The following ZNF559 variants were observed in gnomAD, a reference collection of about 807,000 sequenced individuals.
ZNF559 encodes the protein putative protein product of Nbla00121.
ZNF559 carries 17 observed loss-of-function variants against 14.2 expected under a neutral mutation model. The ratio of observed to expected loss-of-function variants is 1.20; its 90% CI spans 0.82 to 1.80. The LOEUF (loss-of-function observed/expected upper bound fraction) is 1.80. Ranked by LOEUF, ZNF559 falls within the 40% of genes most tolerant of loss-of-function variation. The pLI, the probability that ZNF559 is intolerant of heterozygous loss-of-function variation, is 0.00. For synonymous variants in ZNF559, 244 were observed against 212.4 expected (o/e 1.15, Z -1.29); for missense variants, 740 against 629.7 (o/e 1.18, Z -1.88).
Position 9,340,567 on chromosome 19 carries a change from TA to T in ZNF559, c.161-511del, listed in dbSNP as rs34086147. Among the ~76,000 whole-genome samples, 246 of 75,786 alleles carry T rather than the reference TA, an allele frequency of 3.2e-3. 1 individual carries two copies. Among genetic ancestry groups the T allele is most frequent in the African/African-American group, 7.2e-3 (122 of 17,022 alleles). The allele number at this position is 75,786 out of a possible 152,430, so 49.7% of individuals were successfully genotyped here. Reference sequence around the variant, plus strand: ...TTTCTTTTTTTTCTCTCTCTGTCTCTAAAAAAAAAAAAAAAAAAAAAAAAGA... The same window carrying T: ...TTTCTTTTTTTTCTCTCTCTGTCTCTAAAAAAAAAAAAAAAAAAAAAAAGA... On this transcript the variant is annotated intron_variant, in intron 5 of 6. Coordinates refer to ENST00000603380, the MANE Select transcript of ZNF559 (RefSeq NM_032497.3).
At position 9,343,562 on chromosome 19, in the gene ZNF559, A is replaced by G. The variant is rs1230709647; in HGVS notation, c.*494A>G. On this transcript the variant is annotated 3_prime_UTR_variant, in exon 7 of 7. Transcript: ENST00000603380. ...GTGTGAAAAATCTTATGAATGTAAAATGTGTGGAGATTCTTCTTTGTTTTT... is the reference window on the plus strand; with the variant it reads ...GTGTGAAAAATCTTATGAATGTAAAGTGTGTGGAGATTCTTCTTTGTTTTT... 1 of 991,854 alleles carries G rather than the reference A, an allele frequency of 1.0e-6. No homozygotes were observed. The highest frequency in any genetic ancestry group is 1.2e-6 in the Non-Finnish European group (1 of 833,244). The allele number at this position is 991,854 out of a possible 1,614,324, so 61.4% of individuals were successfully genotyped here. A position where few individuals can be genotyped will look rare whatever the true frequency, so the allele number is the denominator to read the frequency against.
chr19:9,324,277 C>T, intron 1 of ZNF559, 49 bp downstream of exon 1: 1 of 1,535,846 alleles, frequency 6.5e-7, no homozygotes, highest in Non-Finnish European at 8.7e-7. Flanking sequence ...GGTGCAGCCA[C>T]GCGAGAGTAG....
At chr19:9,328,159 T>A (rs932619275) in intron 2 of ZNF559, among the ~76,000 whole-genome samples, 2 of 152,258 alleles carry the variant, frequency 1.3e-5, no homozygotes, top group South Asian at 4.1e-4. Flanking sequence ...CTAATGACAC[T>A]GATATATTAT....
Position 9,339,219 on chromosome 19 carries a change from T to C in ZNF559, c.60T>C (p.Ala20=). 1 of 1,614,026 alleles carries C rather than the reference T, an allele frequency of 6.2e-7. No homozygotes were observed. The highest frequency in any genetic ancestry group is 8.5e-7 in the Non-Finnish European group (1 of 1,179,926). The change falls in exon 5 of 7, where the codon GCT becomes GCC. Residue 20 remains alanine (A), a synonymous_variant. Coordinates refer to ENST00000603380, the MANE Select transcript of ZNF559 (RefSeq NM_032497.3). ...ACTCAGTGACCTTTGAGGATGTGGC[T>C]GTGGACTTCACCCAGGAGGAGTGGA... The part of the protein sequence containing the change: ...SQDSVTFEDV[A]VDFTQEEWTL...
chr19:9,326,316 A>G (rs2066602333), intron 2 of ZNF559, among the ~76,000 whole-genome samples: 1 of 152,058 alleles, frequency 6.6e-6, no homozygotes, highest in South Asian at 2.1e-4. Context: ...CGTGTTGGCC[A>G]GGCTGGTCTC....
chr19:9,343,810 T>A lies in ZNF559; in HGVS notation c.*742T>A, dbSNP rs2067673781. 1.0e-6 allele frequency: 1 copy of A among 983,972 alleles called. No individual in the cohort carries two copies. Among genetic ancestry groups the A allele is most frequent in the Non-Finnish European group, 1.2e-6 (1 of 828,692 alleles). 61.0% of individuals were successfully genotyped at this position (983,972 alleles called of 1,614,324 possible). ...GTAAATATACATGTTTTAAAGAGGT[T>A]ATATATCATTAATAAAAATATCTAG... is the stretch of plus-strand genomic sequence containing the variant. On this transcript the variant is annotated 3_prime_UTR_variant, in exon 7 of 7. Coordinates refer to ENST00000603380, the MANE Select transcript of ZNF559 (RefSeq NM_032497.3).
chr19:9,339,301 A>G lies in ZNF559; in HGVS notation c.142A>G (p.Lys48Glu). Residue 48 changes from lysine to glutamate, a missense_variant, in exon 5 of 7, where the codon AAG becomes GAG. Coordinates refer to ENST00000603380, the MANE Select transcript of ZNF559 (RefSeq NM_032497.3). ...LYRDVMLENY[K>E]NLVAVDWESH... ...CAGAGATGTGATGCTGGAGAACTAT[A>G]AGAATCTAGTTGCAGTAGGTAAGGC... 7.4e-6 allele frequency: 12 copies of G among 1,613,310 alleles called. No individual in the cohort carries two copies. The highest frequency in any genetic ancestry group is 1.0e-5 in the Non-Finnish European group (12 of 1,179,562).
intron 2 of ZNF559, among the ~76,000 whole-genome samples, chr19:9,336,626 A>C (rs891038246): frequency 6.6e-5 from 10 of 152,158 alleles, no homozygotes; most frequent in Non-Finnish European, 1.5e-5. Context: ...TTATGTGTTT[A>C]TTATCTGCTT....
rs1291876367 is a variant in ZNF559 at position 9,343,266 on chromosome 19, A to G, written c.*198A>G. ...ATGTGGGAAAATCTTGGCTCCTTCC[A>G]TAGGCCTTACTATTCATGTGTCTGT... On this transcript the variant is annotated 3_prime_UTR_variant, in exon 7 of 7. Transcript: ENST00000603380. 2.1e-6 allele frequency: 3 copies of G among 1,396,638 alleles called. No homozygotes were observed. The highest frequency in any genetic ancestry group is 3.2e-5 in the South Asian group (2 of 63,294). 86.5% of individuals were successfully genotyped at this position (1,396,638 alleles called of 1,614,324 possible). A position where few individuals can be genotyped will look rare whatever the true frequency, so the allele number is the denominator to read the frequency against.
intron 2 of ZNF559, among the ~76,000 whole-genome samples, chr19:9,325,380 T>A (rs1446818138): frequency 6.6e-6 from 1 of 151,974 alleles, no homozygotes; most frequent in African/African-American, 2.4e-5. Flanking sequence ...AGGTCGAGGC[T>A]GCTGTGAGCC....
chr19:9,324,627 C>G lies in ZNF559; in HGVS notation c.-205-68C>G, dbSNP rs925249584. 2.1e-5 allele frequency: 22 copies of G among 1,053,560 alleles called. 1 individual carries two copies. Among genetic ancestry groups the G allele is most frequent in the Middle Eastern group, 2.2e-4 (1 of 4,500 alleles). 65.3% of individuals were successfully genotyped at this position (1,053,560 alleles called of 1,614,324 possible). On this transcript the variant is annotated intron_variant, in intron 1 of 6. Coordinates refer to ENST00000603380, the MANE Select transcript of ZNF559 (RefSeq NM_032497.3). ...AGGGCAACATAGGGAGACCCCCCCC[C>G]CCAACCATCTCTAATGGAAAAAAAA...
At position 9,342,922 on chromosome 19, in the gene ZNF559, C is replaced by T. The variant is rs368341131; in HGVS notation, c.1471C>T (p.Arg491Trp). The change falls in exon 7 of 7, where the codon CGG (arginine) becomes TGG (tryptophan). Residue 491 changes from arginine (R) to tryptophan (W), a missense_variant. Coordinates refer to ENST00000603380, the MANE Select transcript of ZNF559 (RefSeq NM_032497.3). ...TVHMRTHTGE[R>W]PFECQECGKA... ...ACACATGAGAACTCACACTGGTGAA[C>T]GGCCCTTTGAATGTCAGGAATGTGG... is the stretch of plus-strand genomic sequence containing the variant. The T allele has an allele frequency of 2.8e-5, 45 of 1,613,282 alleles. No individual in the cohort carries two copies. The highest frequency in any genetic ancestry group is 2.0e-4 in the East Asian group (9 of 44,764).
At chr19:9,325,856 G>A (rs977847645) in intron 2 of ZNF559, among the ~76,000 whole-genome samples, 5 of 149,368 alleles carry the variant, frequency 3.3e-5, no homozygotes, top group Non-Finnish European at 5.9e-5. Flanking sequence ...TCATTTTTTT[G>A]TATATGTACT....
chr19:9,339,255 T>C lies in ZNF559; in HGVS notation c.96T>C (p.Asp32=). 1 of 1,613,972 alleles carries C rather than the reference T, an allele frequency of 6.2e-7. No individual in the cohort carries two copies. Among genetic ancestry groups the C allele is most frequent in the Non-Finnish European group, 8.5e-7 (1 of 1,179,972 alleles). The part of the protein sequence containing the change: ...DFTQEEWTLL[D]QTQRNLYRDV... ...CCCAGGAGGAGTGGACTTTGCTGGA[T>C]CAAACTCAGAGAAACTTATACAGAG... The change falls in exon 5 of 7, where the codon GAT becomes GAC. Residue 32 remains aspartate, a synonymous_variant. Transcript: ENST00000603380.
chr19:9,324,046 G>C (rs1390453149), upstream of ZNF559: 8 of 1,052,972 alleles, frequency 7.6e-6, no homozygotes, highest in African/African-American at 4.8e-5. Flanking sequence ...TGCGCTCTTC[G>C]GGGAGGTAAA....
At chr19:9,335,227 A>T (rs1025875271) in intron 2 of ZNF559, among the ~76,000 whole-genome samples, 1 of 151,826 alleles carries the variant, frequency 6.6e-6, no homozygotes, top group Non-Finnish European at 1.5e-5. Flanking sequence ...GCTTGAGCCC[A>T]GGAGTTCAAG....
Position 9,324,738 on chromosome 19 carries a change from T to C in ZNF559, c.-162T>C, listed in dbSNP as rs1243848916. 6.5e-7 allele frequency: 1 copy of C among 1,535,744 alleles called. No individual in the cohort carries two copies. The highest frequency in any genetic ancestry group is 2.0e-5 in the Admixed American group (1 of 50,964). On this transcript the variant is annotated 5_prime_UTR_variant, in exon 2 of 7. Coordinates refer to ENST00000603380, the MANE Select transcript of ZNF559 (RefSeq NM_032497.3). The stretch of plus-strand genomic sequence containing the variant: ...CCTGTTCACGGTGACCTTCGCTTGG[T>C]GTCCTCCTGGCCTCAGCAACCTGAC...
upstream of ZNF559, chr19:9,324,004 G>A (rs529502599): frequency 1.8e-5 from 12 of 663,930 alleles, no homozygotes; most frequent in South Asian, 2.1e-4. Flanking sequence ...AACCTGGACA[G>A]CTTGCAGTCA....
At chr19:9,327,319 C>G (rs1260233673) in intron 2 of ZNF559, among the ~76,000 whole-genome samples, 5 of 152,058 alleles carry the variant, frequency 3.3e-5, no homozygotes, top group African/African-American at 7.2e-5. Context: ...GTGATCTTGG[C>G]TCACTGCAAC....
Sources: gnomAD v4.1 joint callset for allele counts (sites outside exome capture counted in the v4.1 genomes callset) on GRCh38, gnomAD v4.1.1 for gene constraint, MANE v1.5 for transcripts, NCBI Gene and HGNC (gene_info 2026-07-23, HGNC 2026-07-21) for gene names.